Variants in MAN1C1 observed in about 807,000 individuals in gnomAD.
MAN1C1 encodes the protein mannosyl-oligosaccharide 1,2-alpha-mannosidase IC.
MAN1C1 carries 49 observed loss-of-function variants against 71.5 expected under a neutral mutation model. That is an observed-to-expected ratio of 0.69 (90% CI 0.54 to 0.87). MAN1C1 has a LOEUF of 0.87. Among genes scored for constraint, MAN1C1 ranks in the 40% least tolerant of loss-of-function variants. The probability of loss-of-function intolerance (pLI) is 0.00; values close to 1 mark genes in which losing one functional copy is unlikely to be tolerated. For missense variants in MAN1C1, 743 were observed against 835.0 expected, an observed-to-expected ratio of 0.89 and a Z score of 1.36; for synonymous variants, 352 against 343.7, an observed-to-expected ratio of 1.02 and a Z score of -0.27.
intron 1 of MAN1C1, among the ~76,000 whole-genome samples, chr1:25,682,063 G>A (rs1166428961): frequency 6.6e-6 from 1 of 152,114 alleles, no homozygotes; most frequent in Non-Finnish European, 1.5e-5. Flanking sequence ...GGAGAATCGG[G>A]GGTTGTACGG....
At chr1:25,717,032 A>T (rs766773297) in intron 2 of MAN1C1, among the ~76,000 whole-genome samples, 1 of 152,182 alleles carries the variant, frequency 6.6e-6, no homozygotes, top group East Asian at 1.9e-4. Flanking sequence ...GTATTCCGTC[A>T]TATGGATATG....
At chr1:25,663,469 T>A (rs984859297) in intron 1 of MAN1C1, among the ~76,000 whole-genome samples, 1 of 152,176 alleles carries the variant, frequency 6.6e-6, no homozygotes, top group Admixed American at 6.5e-5. Flanking sequence ...AGTAACAGAT[T>A]AACAACATAT....
intron 3 of MAN1C1, among the ~76,000 whole-genome samples, chr1:25,748,404 G>A (rs1472602528): frequency 6.6e-6 from 1 of 152,196 alleles, no homozygotes; most frequent in East Asian, 1.9e-4. Context: ...GGTGTGCAAA[G>A]CATGCTGAGG....
chr1:25,623,112 C>T (rs765338658), intron 1 of MAN1C1, among the ~76,000 whole-genome samples: 2 of 152,200 alleles, frequency 1.3e-5, no homozygotes, highest in Non-Finnish European at 2.9e-5. Flanking sequence ...CTCTACCATG[C>T]ATTTAACATA....
intron 1 of MAN1C1, among the ~76,000 whole-genome samples, chr1:25,635,804 G>T (rs1433619212): frequency 6.6e-6 from 1 of 152,046 alleles, no homozygotes; most frequent in Non-Finnish European, 1.5e-5. Flanking sequence ...TTTAATTCCT[G>T]TTATGGCAAT....
chr1:25,633,030 A>G (rs1459966704), intron 1 of MAN1C1, among the ~76,000 whole-genome samples: 3 of 151,768 alleles, frequency 2.0e-5, no homozygotes, highest in Non-Finnish European at 2.9e-5. Flanking sequence ...ACCACACCCA[A>G]CTAATTTTTG....
In MAN1C1 at chr1:25,753,477, T is replaced by C. The variant is rs2047243860; in HGVS notation, c.835-7T>C. ...AGTCAAAAGCCCTTTGATCCCCTCCTTTACAGGTGTTCCGAATAAAGGCCA... is the reference window on the plus strand; with the variant it reads ...AGTCAAAAGCCCTTTGATCCCCTCCCTTACAGGTGTTCCGAATAAAGGCCA... On this transcript the variant is annotated splice_region_variant and splice_polypyrimidine_tract_variant and intron_variant, in intron 4 of 11. Coordinates refer to ENST00000374332, the MANE Select transcript of MAN1C1 (RefSeq NM_020379.4). This position sits in a 1 kb window ranked among gnomAD's most constrained non-coding sequence, Gnocchi z 4.9. The C allele has an allele frequency of 1.2e-6, 2 of 1,611,826 alleles. No individual in the cohort carries two copies. Among genetic ancestry groups the C allele is most frequent in the Admixed American group, 1.7e-5 (1 of 59,840 alleles).
intron 2 of MAN1C1, among the ~76,000 whole-genome samples, chr1:25,700,433 A>G (rs1890175): frequency 0.23 from 35,490 of 152,178 alleles, 6,888 homozygotes; most frequent in African/African-American, 0.53. Flanking sequence ...ATTTATTTGA[A>G]TAATTTCTTC....
chr1:25,656,074 T>C (rs962080942), intron 1 of MAN1C1, among the ~76,000 whole-genome samples: 1 of 148,786 alleles, frequency 6.7e-6, no homozygotes, highest in East Asian at 2.0e-4. Context: ...CTGATGTATG[T>C]CTTAGGTTGG....
rs116567334 is a variant in MAN1C1 at position 25,631,407 on chromosome 1, A to G, written c.540+13070A>G. Reference sequence around the variant, plus strand: ...CATATATGGCTTTTATTATTTTGAGATAAGTCCTTTCTATGCCTGGTTTGT... The same window carrying G: ...CATATATGGCTTTTATTATTTTGAGGTAAGTCCTTTCTATGCCTGGTTTGT... On this transcript the variant is annotated intron_variant, in intron 1 of 11. Coordinates refer to ENST00000374332, the MANE Select transcript of MAN1C1 (RefSeq NM_020379.4). This position sits in a 1 kb window ranked among gnomAD's most constrained non-coding sequence, Gnocchi z 4.2. Among the ~76,000 whole-genome samples, 1,580 of 152,240 alleles carry G rather than the reference A, an allele frequency of 0.01. 22 individuals are homozygous for G. Among genetic ancestry groups the G allele is most frequent in the African/African-American group, 0.035 (1,462 of 41,528 alleles).
intron 7 of MAN1C1, among the ~76,000 whole-genome samples, chr1:25,768,209 CA>C (rs2047477446): frequency 7.8e-6 from 1 of 128,410 alleles, no homozygotes; most frequent in Non-Finnish European, 1.6e-5. Context: ...ACACTCCCCT[CA>C]CACATACACA....
At chr1:25,640,689 TTC>T (rs1209662324) in intron 1 of MAN1C1, among the ~76,000 whole-genome samples, 2 of 152,226 alleles carry the variant, frequency 1.3e-5, no homozygotes, top group Admixed American at 6.5e-5. Flanking sequence ...GTCTAGAGAC[TTC>T]TCTAGCAGTT....
chr1:25,623,463 G>T (rs1033203399), intron 1 of MAN1C1, among the ~76,000 whole-genome samples: 3 of 149,616 alleles, frequency 2.0e-5, no homozygotes, highest in African/African-American at 7.6e-5. Flanking sequence ...GTGGGGGGGG[G>T]TAAGAATATA....
intron 1 of MAN1C1, among the ~76,000 whole-genome samples, chr1:25,650,992 A>C (rs1482311509): frequency 6.6e-6 from 1 of 152,012 alleles, no homozygotes; most frequent in Non-Finnish European, 1.5e-5. Flanking sequence ...GTAAGTAAGA[A>C]CTCCTCCAAG....
At chr1:25,705,945 A>G (rs2046515853) in intron 2 of MAN1C1, among the ~76,000 whole-genome samples, 1 of 149,722 alleles carries the variant, frequency 6.7e-6, no homozygotes, top group Non-Finnish European at 1.5e-5. Context: ...CCTATGTCAG[A>G]TAAATAAATA....
In MAN1C1 at chr1:25,718,302, C is replaced by T. The variant is rs75578215; in HGVS notation, c.638-28366C>T. Among the ~76,000 whole-genome samples, 651 of 152,310 alleles carry T rather than the reference C, an allele frequency of 4.3e-3. 41 individuals carry two copies. In the East Asian group the frequency reaches 0.11, roughly 27 times the overall value. On this transcript the variant is annotated intron_variant, in intron 2 of 11. Transcript: ENST00000374332. Reference sequence around the variant, plus strand: ...TGTCCCAGCGCATTAGGTGGTACGTCAGCTTCATCCTCTTGAAGACGTCTC... The same window carrying T: ...TGTCCCAGCGCATTAGGTGGTACGTTAGCTTCATCCTCTTGAAGACGTCTC...
chr1:25,762,320 G>A (rs903226924), intron 6 of MAN1C1, among the ~76,000 whole-genome samples: 5 of 151,350 alleles, frequency 3.3e-5, no homozygotes, highest in African/African-American at 1.2e-4. Context: ...AGACAGTTTC[G>A]CCATGTTACC....
At chr1:25,693,328 G>A (rs972032531) in intron 2 of MAN1C1, among the ~76,000 whole-genome samples, 1 of 151,906 alleles carries the variant, frequency 6.6e-6, no homozygotes, top group African/African-American at 2.4e-5. Context: ...GAATGGCAGA[G>A]GCAGAAGAAA....
At chr1:25,717,513 A>T (rs1174608909) in intron 2 of MAN1C1, among the ~76,000 whole-genome samples, 2 of 151,386 alleles carry the variant, frequency 1.3e-5, no homozygotes, top group Non-Finnish European at 2.9e-5. Context: ...ACAGAGTGAG[A>T]CCCTGTTTCA....
Sources: gnomAD v4.1 joint callset for allele counts (sites outside exome capture counted in the v4.1 genomes callset) on GRCh38, gnomAD v4.1.1 for gene constraint, Gnocchi (gnomAD v3.1) non-coding constraint, MANE v1.5 for transcripts, NCBI Gene and HGNC (gene_info 2026-07-23, HGNC 2026-07-21) for gene names.